The following RIMS1 variants were observed in gnomAD, a reference collection of about 807,000 sequenced individuals.
RIMS1 encodes regulating synaptic membrane exocytosis 1, also known as regulating synaptic membrane exocytosis protein 1.
Under a neutral mutation model 214.1 loss-of-function variants are expected in RIMS1, and 83 were observed. The ratio of observed to expected loss-of-function variants is 0.39; its 90% CI spans 0.32 to 0.47. RIMS1 has a LOEUF of 0.47. RIMS1 is among the 20% of genes least tolerant of loss of function. RIMS1 has a pLI of 0.99. For synonymous variants in RIMS1, 793 were observed against 786.8 expected (o/e 1.01, Z -0.13); for missense variants, 2,050 against 2,161.8 (o/e 0.95, Z 1.03).
chr6:72,187,427 G>C (rs2049300671), intron 6 of RIMS1, among the ~76,000 whole-genome samples: 1 of 150,802 alleles, frequency 6.6e-6, no homozygotes, highest in Admixed American at 6.6e-5. Context: ...TAATAAAGTA[G>C]GTATTAAATA....
At chr6:72,084,108 G>A (rs1834067770) in intron 2 of RIMS1, among the ~76,000 whole-genome samples, 1 of 152,128 alleles carries the variant, frequency 6.6e-6, no homozygotes, top group Non-Finnish European at 1.5e-5. Flanking sequence ...TTGCTCATAT[G>A]TGTAGACACC....
chr6:71,900,839 T>C (rs918552918), intron 1 of RIMS1, among the ~76,000 whole-genome samples: 4 of 150,386 alleles, frequency 2.7e-5, no homozygotes, highest in Admixed American at 1.3e-4. Flanking sequence ...TTATGAGTCA[T>C]GTGTACACAG....
intron 1 of RIMS1, among the ~76,000 whole-genome samples, chr6:71,941,069 A>G (rs925351499): frequency 2.6e-5 from 4 of 152,146 alleles, no homozygotes; most frequent in African/African-American, 7.2e-5. Context: ...TATGATTTTG[A>G]CAAATATAAT....
intron 6 of RIMS1, chr6:72,216,855 A>G (rs772310449): frequency 2.9e-6 from 3 of 1,022,118 alleles, no homozygotes; most frequent in African/African-American, 1.7e-5. Flanking sequence ...TTGAGGAGCT[A>G]AAAGAGCTTT....
chr6:72,285,272 C>T (rs10455087), intron 24 of RIMS1, among the ~76,000 whole-genome samples: 17,920 of 152,076 alleles, frequency 0.12, 1,177 homozygotes, highest in East Asian at 0.18. Context: ...GAAGGTAGAT[C>T]AAAGGATCTA....
At position 72,034,375 on chromosome 6, in the gene RIMS1, G is replaced by T. The variant is rs9358991; in HGVS notation, c.246-62574G>T. ...CAATCCCGCTTATTAATAATAAAAA[G>T]CAAATTTCTATTTTGTAAGGATGAT... On this transcript the variant is annotated intron_variant, in intron 2 of 33. Transcript: ENST00000521978. Among the ~76,000 whole-genome samples, 82 of 152,044 alleles carry T rather than the reference G, an allele frequency of 5.4e-4. No homozygotes were observed. In the East Asian group the frequency reaches 0.015, roughly 28 times the overall value.
intron 6 of RIMS1, among the ~76,000 whole-genome samples, chr6:72,213,639 C>A (rs953394898): frequency 1.1e-4 from 16 of 151,874 alleles, no homozygotes; most frequent in African/African-American, 3.9e-4. Flanking sequence ...AAATACATGA[C>A]AAATTGCAGT....
At chr6:72,262,096 G>C (rs1305901746) in intron 19 of RIMS1, 1 of 984,710 alleles carries the variant, frequency 1.0e-6, no homozygotes, top group African/African-American at 1.7e-5. Context: ...TATATTTTAA[G>C]CTACTTAGTG....
At chr6:72,327,474 T>C (rs974133936) in intron 28 of RIMS1, among the ~76,000 whole-genome samples, 2 of 151,848 alleles carry the variant, frequency 1.3e-5, no homozygotes, top group Admixed American at 6.6e-5. Context: ...AATTTTGATA[T>C]GAATAGTTCA....
At chr6:72,201,335 G>A (rs1041468751) in intron 6 of RIMS1, among the ~76,000 whole-genome samples, 14 of 152,114 alleles carry the variant, frequency 9.2e-5, no homozygotes, top group Admixed American at 7.2e-4. Flanking sequence ...AAACATTTAC[G>A]CTTCAAAGTT....
chr6:71,968,897 G>T, intron 1 of RIMS1, 86 bp from the exon 2 acceptor site: 3 of 1,332,310 alleles, frequency 2.3e-6, no homozygotes, highest in Non-Finnish European at 3.2e-6. Context: ...CCCTTAGAGT[G>T]TTTTTCAGTA....
At chr6:72,386,729 T>G (rs116600672) in intron 29 of RIMS1, among the ~76,000 whole-genome samples, 1,862 of 143,418 alleles carry the variant, frequency 0.013, 42 homozygotes, top group African/African-American at 0.047. Context: ...TTCACTGTCT[T>G]TCTTTTTTTT....
At chr6:72,333,176 G>A (rs2096728864) in intron 28 of RIMS1, among the ~76,000 whole-genome samples, 3 of 151,882 alleles carry the variant, frequency 2.0e-5, no homozygotes, top group African/African-American at 7.2e-5. Context: ...GCCTTGTTAT[G>A]TGGCACATTT....
At chr6:72,213,279 A>G (rs1331897199) in intron 6 of RIMS1, 3 of 1,387,188 alleles carry the variant, frequency 2.2e-6, no homozygotes, top group Admixed American at 2.1e-5. Flanking sequence ...ACCTAAATCT[A>G]TATTTAACAC....
chr6:72,148,517 G>A, intron 4 of RIMS1: 5 of 449,804 alleles, frequency 1.1e-5, no homozygotes, highest in Non-Finnish European at 2.2e-5. Flanking sequence ...AGGATTATTT[G>A]CACTCACCTA....
intron 6 of RIMS1, among the ~76,000 whole-genome samples, chr6:72,231,472 AG>A (rs1171341901): frequency 6.6e-6 from 1 of 151,704 alleles, no homozygotes; most frequent in Non-Finnish European, 1.5e-5. Context: ...AGCAATATTT[AG>A]TAGATAGCTA....
chr6:72,139,278 T>A (rs1406225873), intron 4 of RIMS1, among the ~76,000 whole-genome samples: 1 of 152,146 alleles, frequency 6.6e-6, no homozygotes, highest in Non-Finnish European at 1.5e-5. Flanking sequence ...CTTCACACAC[T>A]GGTTACTTTG....
chr6:72,008,330 A>G (rs1174240148), intron 2 of RIMS1, among the ~76,000 whole-genome samples: 1 of 152,224 alleles, frequency 6.6e-6, no homozygotes, highest in Non-Finnish European at 1.5e-5. Context: ...GAAGCACTAA[A>G]CACGGAAAGA....
chr6:72,255,552 T>A (rs1441969585), intron 16 of RIMS1, among the ~76,000 whole-genome samples: 3 of 152,238 alleles, frequency 2.0e-5, no homozygotes, highest in Non-Finnish European at 4.4e-5. Context: ...AGCCACATTT[T>A]ATTAACTTTG....
Sources: allele counts gnomAD v4.1 joint callset (sites outside exome capture counted in the v4.1 genomes callset), GRCh38; gene constraint gnomAD v4.1.1; transcripts MANE v1.5; gene names NCBI Gene and HGNC (gene_info 2026-07-23, HGNC 2026-07-21).